The following NDST3 variants were observed in gnomAD, a reference collection of about 807,000 sequenced individuals.
NDST3 encodes N-deacetylase and N-sulfotransferase 3.
NDST3 carries 58 observed loss-of-function variants against 96.1 expected under a neutral mutation model. That is an observed-to-expected ratio of 0.60 (90% CI 0.49 to 0.75). NDST3 has a LOEUF of 0.75. Among genes scored for constraint, NDST3 ranks in the 30% least tolerant of loss-of-function variants. The probability of loss-of-function intolerance (pLI) is 0.00; values close to 1 mark genes in which losing one functional copy is unlikely to be tolerated. For missense variants in NDST3, 788 were observed against 1,034.2 expected (o/e 0.76, Z 3.27); for synonymous variants, 333 against 359.7 (o/e 0.93, Z 0.84).
Position 118,041,532 on chromosome 4 carries a change from T to A in NDST3, c.-156+6940T>A, listed in dbSNP as rs550972995. ...TTTCAAAATTTAAAATACAGTTTCCTGATCAGTCAGCATAGTCCTCATCAT... is the reference window on the plus strand; with the variant it reads ...TTTCAAAATTTAAAATACAGTTTCCAGATCAGTCAGCATAGTCCTCATCAT... On this transcript the variant is annotated intron_variant, in intron 1 of 13. Coordinates refer to ENST00000296499, the MANE Select transcript of NDST3 (RefSeq NM_004784.3). Among the ~76,000 whole-genome samples, 12 of 152,330 alleles carry A rather than the reference T, an allele frequency of 7.9e-5. No individual in the cohort carries two copies. The South Asian group carries it at 2.5e-3, about 32-fold the overall frequency.
chr4:118,197,802 G>GATT (rs1249459968), intron 6 of NDST3, among the ~76,000 whole-genome samples: 1 of 131,762 alleles, frequency 7.6e-6, no homozygotes, highest in African/African-American at 2.8e-5. Flanking sequence ...TTGGCTTTTG[G>GATT]CTTTTTTTTT....
intron 4 of NDST3, among the ~76,000 whole-genome samples, chr4:118,126,904 C>T (rs1335322619): frequency 6.6e-6 from 1 of 151,892 alleles, no homozygotes; most frequent in Non-Finnish European, 1.5e-5. Flanking sequence ...GGTGAGATGA[C>T]ATCTCATTAT....
intron 6 of NDST3, among the ~76,000 whole-genome samples, chr4:118,213,332 C>G (rs1738928635): frequency 6.6e-6 from 1 of 152,190 alleles, no homozygotes; most frequent in Admixed American, 6.5e-5. Flanking sequence ...GAACCCAAGA[C>G]AGGTGGCACA....
chr4:118,241,951 C>G, intron 11 of NDST3, 89 bp from the exon 12 acceptor site: 1 of 855,034 alleles, frequency 1.2e-6, no homozygotes, highest in South Asian at 1.6e-5. Flanking sequence ...GACAGTGTCT[C>G]TCACTGAATG....
At position 118,095,472 on chromosome 4, in the gene NDST3, G is replaced by T. The variant is rs1316587055; in HGVS notation, c.982-9546G>T. On this transcript the variant is annotated intron_variant, in intron 2 of 13. Coordinates refer to ENST00000296499, the MANE Select transcript of NDST3 (RefSeq NM_004784.3). Reference sequence around the variant, plus strand: ...TAGGACATGTATTGCAAATAATTTTGGTAGGGTAACTTGCATGATACCATA... The same window carrying T: ...TAGGACATGTATTGCAAATAATTTTTGTAGGGTAACTTGCATGATACCATA... Among the ~76,000 whole-genome samples, 3 of 151,540 alleles carry T rather than the reference G, an allele frequency of 2.0e-5. No individual in the cohort carries two copies. In the Admixed American group the frequency reaches 2.0e-4, roughly 10 times the overall value.
chr4:118,104,963 G>A (rs1334862221), intron 2 of NDST3, 55 bp from the exon 3 acceptor site: 1 of 1,456,814 alleles, frequency 6.9e-7, no homozygotes. Context: ...ATATCTTTTG[G>A]AAACTTTTTA....
intron 6 of NDST3, among the ~76,000 whole-genome samples, chr4:118,186,282 T>A (rs1166473652): frequency 6.6e-6 from 1 of 152,190 alleles, no homozygotes; most frequent in African/African-American, 2.4e-5. Context: ...TTTAAAAAAA[T>A]TCCTCCATTT....
rs192552356 is a variant in NDST3 at position 118,051,526 on chromosome 4, T to C, written c.-155-2230T>C. 2.5e-3 allele frequency among the ~76,000 whole-genome samples: 374 copies of C among 151,962 alleles called. 2 individuals are homozygous for C. The highest frequency in any genetic ancestry group is 3.8e-3 in the Non-Finnish European group (261 of 67,950). The stretch of plus-strand genomic sequence containing the variant: ...GTGTGCATCCAACAAAGGTCTAATA[T>C]CCAGAGTCTACAAGAAACTTAAATC... On this transcript the variant is annotated intron_variant, in intron 1 of 13. Coordinates refer to ENST00000296499, the MANE Select transcript of NDST3 (RefSeq NM_004784.3).
At chr4:118,195,478 T>C (rs970609990) in intron 6 of NDST3, among the ~76,000 whole-genome samples, 1 of 152,210 alleles carries the variant, frequency 6.6e-6, no homozygotes, top group African/African-American at 2.4e-5. Flanking sequence ...TCTGCCATGA[T>C]TGTGAGGCCT....
At chr4:118,159,572 C>G (rs765291048) in intron 6 of NDST3, among the ~76,000 whole-genome samples, 9 of 152,094 alleles carry the variant, frequency 5.9e-5, no homozygotes, top group Non-Finnish European at 1.2e-4. Context: ...ATCCAAGGAA[C>G]AAAATAAGTC....
rs77839817 is a variant in NDST3 at position 118,136,822 on chromosome 4, A to G, written c.1225-1232A>G. Among the ~76,000 whole-genome samples, 1,409 of 152,276 alleles carry G rather than the reference A, an allele frequency of 9.3e-3. 25 individuals carry two copies. The highest frequency in any genetic ancestry group is 0.082 in the Middle Eastern group (24 of 294). On this transcript the variant is annotated intron_variant, in intron 4 of 13. Coordinates refer to ENST00000296499, the MANE Select transcript of NDST3 (RefSeq NM_004784.3). ...ACAGTGTGTACAGTATACAGCAATGACATGAAGGAAATCATCAGAAATTGG... is the reference window on the plus strand; with the variant it reads ...ACAGTGTGTACAGTATACAGCAATGGCATGAAGGAAATCATCAGAAATTGG...
intron 4 of NDST3, among the ~76,000 whole-genome samples, chr4:118,128,456 G>T (rs1007366988): frequency 3.9e-5 from 6 of 151,908 alleles, no homozygotes; most frequent in South Asian, 2.1e-4. Flanking sequence ...TATGATTTTT[G>T]TCCTTCATTC....
intron 3 of NDST3, among the ~76,000 whole-genome samples, chr4:118,112,920 G>C (rs774005948): frequency 6.6e-6 from 1 of 152,050 alleles, no homozygotes; most frequent in Non-Finnish European, 1.5e-5. Flanking sequence ...GATTTGGTCA[G>C]TTCTTGAACA....
intron 2 of NDST3, among the ~76,000 whole-genome samples, chr4:118,098,920 G>C (rs1160629382): frequency 6.6e-6 from 1 of 152,000 alleles, no homozygotes; most frequent in Non-Finnish European, 1.5e-5. Context: ...GCATATGCCT[G>C]ATGTTTTCAT....
chr4:118,071,656 G>C (rs907243202), intron 2 of NDST3, among the ~76,000 whole-genome samples: 6 of 152,022 alleles, frequency 3.9e-5, no homozygotes, highest in African/African-American at 1.4e-4. Flanking sequence ...TCTTCATCCA[G>C]TCTACTACTT....
intron 3 of NDST3, among the ~76,000 whole-genome samples, chr4:118,114,025 T>C (rs1307333827): frequency 6.7e-6 from 1 of 149,268 alleles, no homozygotes; most frequent in African/African-American, 2.5e-5. Flanking sequence ...CCAAGGAAAA[T>C]GGGAGGAAAT....
intron 12 of NDST3, among the ~76,000 whole-genome samples, chr4:118,250,342 T>A (rs1466782374): frequency 6.6e-6 from 1 of 152,386 alleles, no homozygotes; most frequent in Non-Finnish European, 1.5e-5. Context: ...GGGATATTTT[T>A]AAAATCAGTC....
chr4:118,046,514 GC>G lies in NDST3; in HGVS notation c.-155-7238del, dbSNP rs538085299. On this transcript the variant is annotated intron_variant, in intron 1 of 13. Transcript: ENST00000296499. ...GTTCTGCAGGCCTTCCAGCCTGCCA[GC>G]CCCTCTCAGGGCCACACCCTAGCAG... Among the ~76,000 whole-genome samples, 377 of 152,316 alleles carry G rather than the reference GC, an allele frequency of 2.5e-3. 2 individuals are homozygous for G. The highest frequency in any genetic ancestry group is 8.6e-3 in the African/African-American group (357 of 41,564).
intron 2 of NDST3, among the ~76,000 whole-genome samples, chr4:118,093,851 G>C (rs1287141404): frequency 6.6e-6 from 1 of 151,838 alleles, no homozygotes; most frequent in Non-Finnish European, 1.5e-5. Flanking sequence ...AGTTCTGGGA[G>C]CTGGAAATTC....
Sources: gnomAD v4.1 joint callset for allele counts (sites outside exome capture counted in the v4.1 genomes callset) on GRCh38, gnomAD v4.1.1 for gene constraint, MANE v1.5 for transcripts, NCBI Gene and HGNC (gene_info 2026-07-23, HGNC 2026-07-21) for gene names.